The following PIGN variants were observed in gnomAD, a reference collection of about 807,000 sequenced individuals.
PIGN encodes the protein GPI ethanolamine phosphate transferase 1.
Under a neutral mutation model 125.4 loss-of-function variants are expected in PIGN, and 117 were observed. The ratio of observed to expected loss-of-function variants is 0.93; its 90% CI spans 0.80 to 1.09. PIGN has a LOEUF of 1.09. Ranked by LOEUF, PIGN falls within the 50% of genes least tolerant of loss-of-function variation. The pLI is 0.00. For synonymous variants in PIGN, 392 were observed against 377.8 expected (o/e 1.04, Z -0.44); for missense variants, 1,075 against 1,094.9 (o/e 0.98, Z 0.26).
Position 62,090,510 on chromosome 18 carries a change from G to C in PIGN, c.2249C>G (p.Thr750Ser), listed in dbSNP as rs772588632. Residue 750 changes from threonine (T) to serine (S), a missense_variant, in exon 24 of 31, where the codon ACT becomes AGT. Physicochemically the swap from Thr to Ser is moderately conservative, Grantham distance 58. Transcript: ENST00000640252. ...ACAGCAAACACCAGATTGTTGTAGA[G>C]TTTCTTGTTCTATGTTTATCCAGAC... ...MFVWINIEQE[T>S]LQQSGVCCKQ... 1.9e-6 allele frequency: 3 copies of C among 1,609,834 alleles called. No homozygotes were observed. Among genetic ancestry groups the C allele is most frequent in the African/African-American group, 2.7e-5 (2 of 74,866 alleles).
chr18:62,041,638 C>CA lies in PIGN; in HGVS notation c.*4217_*4218insT, dbSNP rs1555669069. The CA allele has an allele frequency of 3.2e-5, 3 of 95,236 alleles. No individual in the cohort carries two copies. The highest frequency in any genetic ancestry group is 3.5e-4 in the South Asian group (1 of 2,856). The allele number at this position is 95,236 out of a possible 1,614,324, so 5.9% of individuals were successfully genotyped here. A position where few individuals can be genotyped will look rare whatever the true frequency, so the allele number is the denominator to read the frequency against. On this transcript the variant is annotated 3_prime_UTR_variant, in exon 31 of 31. Transcript: ENST00000640252. ...GGATTACAGGAGCCTACCACCCCGC[C>CA]GGGTGTGTGTGTGTGTGTGTGTGTG...
chr18:62,030,849 T>G (rs2030186352), intron 23 of PIGN, among the ~76,000 whole-genome samples: 1 of 152,216 alleles, frequency 6.6e-6, no homozygotes, highest in Non-Finnish European at 1.5e-5. Context: ...TACAGTGTCA[T>G]GCACCTACTC....
chr18:62,142,699 T>TA (rs1236267432), intron 11 of PIGN, among the ~76,000 whole-genome samples: 2 of 152,226 alleles, frequency 1.3e-5, no homozygotes, highest in East Asian at 3.8e-4. Flanking sequence ...AATGATGCTA[T>TA]ACCTTCTACA....
chr18:62,053,619 T>C (rs749049758), intron 30 of PIGN, among the ~76,000 whole-genome samples: 1 of 152,200 alleles, frequency 6.6e-6, no homozygotes, highest in Non-Finnish European at 1.5e-5. Context: ...CTGGAGTGGC[T>C]ATATTAATAT....
intron 22 of PIGN, among the ~76,000 whole-genome samples, chr18:62,100,801 G>A (rs1385195466): frequency 6.6e-6 from 1 of 152,026 alleles, no homozygotes; most frequent in Non-Finnish European, 1.5e-5. Context: ...TATCTCTTTT[G>A]GAATCACTTA....
At chr18:62,166,943 T>C (rs2037156219) in intron 1 of PIGN, among the ~76,000 whole-genome samples, 1 of 152,196 alleles carries the variant, frequency 6.6e-6, no homozygotes, top group Non-Finnish European at 1.5e-5. Flanking sequence ...GGCAAATACC[T>C]AATGCATGCA....
chr18:62,031,939 C>T (rs1482979323), intron 23 of PIGN, among the ~76,000 whole-genome samples: 1 of 152,206 alleles, frequency 6.6e-6, no homozygotes, highest in Non-Finnish European at 1.5e-5. Context: ...GCTGCTCCCT[C>T]TTAAGGCTCT....
intron 1 of PIGN, among the ~76,000 whole-genome samples, chr18:62,174,136 T>A (rs2037437014): frequency 6.6e-6 from 1 of 151,272 alleles, no homozygotes; most frequent in South Asian, 2.1e-4. Flanking sequence ...ATCACTTGAA[T>A]CTGGGAGGCG....
Position 62,109,721 on chromosome 18 carries a change from T to C in PIGN, c.1574+113A>G, listed in dbSNP as rs923807260. ...GTGAGAGGGACTGGAGGTTTGAAAG[T>C]ACAGTATTATAAATATATTTGATGA... On this transcript the variant is annotated intron_variant, in intron 17 of 30. Coordinates refer to ENST00000640252, the MANE Select transcript of PIGN (RefSeq NM_176787.5). The C allele has an allele frequency of 1.4e-5, 12 of 834,796 alleles. No homozygotes were observed. In the African/African-American group the frequency reaches 1.5e-4, roughly 11 times the overall value. The allele number at this position is 834,796 out of a possible 1,614,324, so 51.7% of individuals were successfully genotyped here.
chr18:62,153,638 T>C (rs1476634107), intron 7 of PIGN: 1 of 152,118 alleles, frequency 6.6e-6, no homozygotes, highest in Non-Finnish European at 1.5e-5. Flanking sequence ...AAGTTTTCCC[T>C]GTTGACAAAA....
In PIGN at chr18:62,062,882, C is replaced by CTTTTTTTTTTTTTTTTTTTT. The variant is rs71160811; in HGVS notation, c.2672+9771_2672+9790dup. ...ATTTGTTTTATGCTTTTGTATTCTG[C>CTTTTTTTTTTTTTTTTTTTT]TTTTTTTTTTTTTTTTTTTTTTTTT... On this transcript the variant is annotated intron_variant, in intron 30 of 30. Transcript: ENST00000640252. Among the ~76,000 whole-genome samples, 11 of 21,066 alleles carry CTTTTTTTTTTTTTTTTTTTT rather than the reference C, an allele frequency of 5.2e-4. 1 individual carries two copies. Among genetic ancestry groups the CTTTTTTTTTTTTTTTTTTTT allele is most frequent in the African/African-American group, 7.3e-4 (3 of 4,108 alleles). The allele number at this position is 21,066 out of a possible 152,430, so 13.8% of individuals were successfully genotyped here.
rs527934898 is a variant in PIGN, at chr18:62,044,480, G to A, written c.*1376C>T. The stretch of plus-strand genomic sequence containing the variant: ...GATTTTATGCTATGAACTGATGCAT[G>A]AGATTTCATAAAACATTAATACCTC... On this transcript the variant is annotated 3_prime_UTR_variant, in exon 31 of 31. Coordinates refer to ENST00000640252, the MANE Select transcript of PIGN (RefSeq NM_176787.5). The A allele has an allele frequency of 1.1e-4, 16 of 152,296 alleles. No homozygotes were observed. In the East Asian group the frequency reaches 3.1e-3, roughly 29 times the overall value. The allele number at this position is 152,296 out of a possible 1,614,324, so 9.4% of individuals were successfully genotyped here.
In PIGN at chr18:62,154,589, G is replaced by A. The variant is rs369966550; in HGVS notation, c.505C>T (p.Gln169Ter). 15 of 1,594,766 alleles carry A rather than the reference G, an allele frequency of 9.4e-6. No homozygotes were observed. Among genetic ancestry groups the A allele is most frequent in the Non-Finnish European group, 6.9e-6 (8 of 1,163,642 alleles). ...YDAKREDFGA[Q>*]DATKLDTWVF... ...CACGTATCCAGTTTTGTTGCATCTT[G>A]AGCACCAAAATCCTCTCTTTTAGCA... The change falls in exon 7 of 31, where the codon CAA becomes TAA. Residue 169 changes from glutamine (Q) to a stop codon, truncating the protein, a stop_gained. Coordinates refer to ENST00000640252, the MANE Select transcript of PIGN (RefSeq NM_176787.5). LOFTEE classifies it high-confidence loss of function.
intron 17 of PIGN, among the ~76,000 whole-genome samples, chr18:62,108,330 T>C (rs912764065): frequency 6.6e-6 from 1 of 152,060 alleles, no homozygotes; most frequent in Non-Finnish European, 1.5e-5. Flanking sequence ...AATATATATG[T>C]TTTCTTCATA....
chr18:62,155,641 T>G (rs2036702619), intron 6 of PIGN, among the ~76,000 whole-genome samples: 2 of 152,176 alleles, frequency 1.3e-5, no homozygotes, highest in Admixed American at 1.3e-4. Context: ...TCAGCTCTAA[T>G]GACCCTATTC....
chr18:62,104,066 A>G (rs2034547189), intron 20 of PIGN, among the ~76,000 whole-genome samples: 1 of 152,158 alleles, frequency 6.6e-6, no homozygotes, highest in Admixed American at 6.6e-5. Context: ...TGAAGAAGGG[A>G]GATGCTGTGA....
intron 14 of PIGN, among the ~76,000 whole-genome samples, chr18:62,132,351 C>T (rs2035771331): frequency 6.6e-6 from 1 of 152,016 alleles, no homozygotes; most frequent in African/African-American, 2.4e-5. Context: ...TTAGTCAATG[C>T]CCTTAAATAT....
chr18:62,181,293 A>C (rs1051488293), intron 1 of PIGN, among the ~76,000 whole-genome samples: 2 of 152,192 alleles, frequency 1.3e-5, no homozygotes, highest in Non-Finnish European at 2.9e-5. Context: ...AGTATTAATA[A>C]AAAAAATTTT....
intron 23 of PIGN, among the ~76,000 whole-genome samples, chr18:62,031,224 A>T (rs1322863811): frequency 6.6e-6 from 1 of 152,230 alleles, no homozygotes. Context: ...GCCTGCTGCC[A>T]TGTAAGACAT....
Sources: gnomAD v4.1 joint callset for allele counts (sites outside exome capture counted in the v4.1 genomes callset) on GRCh38, gnomAD v4.1.1 for gene constraint, MANE v1.5 for transcripts, NCBI Gene and HGNC (gene_info 2026-07-23, HGNC 2026-07-21) for gene names.